Variants in IFIH1 observed in about 807,000 individuals in gnomAD.
The protein encoded by IFIH1 is interferon induced with helicase C domain 1, also known as interferon-induced helicase C domain-containing protein 1.
Under a neutral mutation model 107.4 loss-of-function variants are expected in IFIH1, and 125 were observed. The observed-to-expected ratio is 1.16, with a 90% CI of 1.01 to 1.35. The LOEUF is 1.35. IFIH1 is among the 40% of genes most tolerant of loss of function. The pLI, the probability that IFIH1 is intolerant of heterozygous loss-of-function variation, is 0.00. For missense variants in IFIH1, 1,333 were observed against 1,213.7 expected (o/e 1.10, Z -1.46); for synonymous variants, 458 against 413.2 (o/e 1.11, Z -1.31).
At chr2:162,287,530 T>A (rs1682918190) in intron 5 of IFIH1, among the ~76,000 whole-genome samples, 1 of 151,804 alleles carries the variant, frequency 6.6e-6, no homozygotes, top group South Asian at 2.1e-4. Flanking sequence ...AAGGAAAACT[T>A]CAGTTGCATT....
chr2:162,307,050 T>G, intron 2 of IFIH1, 195 bp from the exon 3 acceptor site: 1 of 464,942 alleles, frequency 2.2e-6, no homozygotes, highest in Non-Finnish European at 3.8e-6. Flanking sequence ...TATAAATAGC[T>G]GTTATTGTTA....
chr2:162,306,004 C>G (rs1327318733), intron 3 of IFIH1, among the ~76,000 whole-genome samples: 1 of 152,056 alleles, frequency 6.6e-6, no homozygotes. Flanking sequence ...TTTCTTTTCC[C>G]CAGAGTTACT....
chr2:162,274,851 C>T (rs1471050549), intron 11 of IFIH1, among the ~76,000 whole-genome samples: 1 of 152,104 alleles, frequency 6.6e-6, no homozygotes, highest in African/African-American at 2.4e-5. Context: ...AAAAATAAAG[C>T]TGCCAGACCA....
chr2:162,305,270 C>T (rs1683261577), intron 3 of IFIH1, among the ~76,000 whole-genome samples: 1 of 152,050 alleles, frequency 6.6e-6, no homozygotes, highest in Non-Finnish European at 1.5e-5. Flanking sequence ...TATTACTTAT[C>T]TAAGTACAAA....
chr2:162,272,756 T>C (rs1454941472), intron 12 of IFIH1, among the ~76,000 whole-genome samples: 1 of 152,120 alleles, frequency 6.6e-6, no homozygotes, highest in African/African-American at 2.4e-5. Context: ...GAGGAATGAA[T>C]GGAGAGAAGG....
intron 3 of IFIH1, among the ~76,000 whole-genome samples, chr2:162,294,041 G>A (rs762958902): frequency 6.6e-6 from 1 of 151,860 alleles, no homozygotes; most frequent in Non-Finnish European, 1.5e-5. Context: ...AGAAACCTTT[G>A]AGGTCTTTTC....
intron 1 of IFIH1, among the ~76,000 whole-genome samples, chr2:162,317,494 T>G (rs1274381842): frequency 6.6e-6 from 1 of 152,214 alleles, no homozygotes; most frequent in East Asian, 1.9e-4. Context: ...AGGTTTCTCA[T>G]CTGTAAAATG....
At chr2:162,275,026 T>G (rs889364642) in intron 11 of IFIH1, among the ~76,000 whole-genome samples, 4 of 152,146 alleles carry the variant, frequency 2.6e-5, no homozygotes, top group African/African-American at 9.7e-5. Context: ...AACTTACATG[T>G]TCTTGGATTT....
chr2:162,299,086 T>C (rs1284228950), intron 3 of IFIH1, among the ~76,000 whole-genome samples: 1 of 152,238 alleles, frequency 6.6e-6, no homozygotes, highest in African/African-American at 2.4e-5. Context: ...GCTTAGATTG[T>C]ATCATCTATG....
At chr2:162,271,830 C>G (rs1320374370) in intron 13 of IFIH1, among the ~76,000 whole-genome samples, 1 of 152,156 alleles carries the variant, frequency 6.6e-6, no homozygotes, top group African/African-American at 2.4e-5. Flanking sequence ...CCTCTGTTGG[C>G]TGTTCCTATA....
chr2:162,267,867 C>T (rs1341628177), intron 14 of IFIH1, among the ~76,000 whole-genome samples: 1 of 152,178 alleles, frequency 6.6e-6, no homozygotes, highest in African/African-American at 2.4e-5. Context: ...AAATACGTGC[C>T]TTGGATCAAA....
chr2:162,273,985 A>T (rs112896237), intron 11 of IFIH1, 41 bp from the exon 12 acceptor site: 2 of 1,355,144 alleles, frequency 1.5e-6, no homozygotes, highest in Admixed American at 3.9e-5. Flanking sequence ...GTGATGCTAA[A>T]CACATTAAAA....
At chr2:162,275,228 G>A (rs534974509) in intron 11 of IFIH1, among the ~76,000 whole-genome samples, 49 of 152,228 alleles carry the variant, frequency 3.2e-4, no homozygotes, top group African/African-American at 1.2e-3. Context: ...TTGGCACACA[G>A]CCCCTTGGTT....
intron 4 of IFIH1, among the ~76,000 whole-genome samples, chr2:162,289,059 T>G (rs1682948995): frequency 6.6e-6 from 1 of 151,784 alleles, no homozygotes; most frequent in Non-Finnish European, 1.5e-5. Context: ...TATGCTAGCC[T>G]TTAATTGGTA....
chr2:162,288,569 TG>T lies in IFIH1; in HGVS notation c.875-215del, dbSNP rs1230671527. ...CTCTCACAGAAGGAGTCTGGGGGTG[TG>T]GGGGTGCAGAGGGAGTCAACTAATT... On this transcript the variant is annotated intron_variant, in intron 4 of 15. Coordinates refer to ENST00000649979, the MANE Select transcript of IFIH1 (RefSeq NM_022168.4). 7.2e-5 allele frequency among the ~76,000 whole-genome samples: 11 copies of T among 151,842 alleles called. No individual in the cohort carries two copies. In the South Asian group the frequency reaches 1.7e-3, roughly 23 times the overall value.
At chr2:162,305,274 G>C (rs893189153) in intron 3 of IFIH1, among the ~76,000 whole-genome samples, 1 of 152,074 alleles carries the variant, frequency 6.6e-6, no homozygotes, top group Non-Finnish European at 1.5e-5. Flanking sequence ...ACTTATCTAA[G>C]TACAAAATAA....
At chr2:162,298,479 T>C (rs912397887) in intron 3 of IFIH1, among the ~76,000 whole-genome samples, 4 of 152,144 alleles carry the variant, frequency 2.6e-5, no homozygotes, top group Non-Finnish European at 4.4e-5. Flanking sequence ...TTCATGGTAA[T>C]TTCATGTTTA....
intron 2 of IFIH1, among the ~76,000 whole-genome samples, chr2:162,308,985 C>T (rs1278495437): frequency 1.3e-5 from 2 of 152,162 alleles, no homozygotes; most frequent in Non-Finnish European, 2.9e-5. Context: ...CAGCTGTGAA[C>T]TTGTGAAACC....
At chr2:162,293,104 A>G (rs1199111351) in intron 4 of IFIH1, among the ~76,000 whole-genome samples, 1 of 151,942 alleles carries the variant, frequency 6.6e-6, no homozygotes, top group Non-Finnish European at 1.5e-5. Flanking sequence ...TTCAAAAGAT[A>G]CTTATACAAA....
Sources: allele counts gnomAD v4.1 joint callset (sites outside exome capture counted in the v4.1 genomes callset), GRCh38; gene constraint gnomAD v4.1.1; transcripts MANE v1.5; gene names NCBI Gene and HGNC (gene_info 2026-07-23, HGNC 2026-07-21).